The following MYORG variants were observed in gnomAD, a reference collection of about 807,000 sequenced individuals.
The protein encoded by MYORG is myogenesis regulating glycosidase.
A neutral mutation model predicts 49.8 loss-of-function variants in MYORG; 45 were observed. That is an observed-to-expected ratio of 0.90 (90% CI 0.71 to 1.16). The LOEUF (loss-of-function observed/expected upper bound fraction) is 1.16. Among genes scored for constraint, MYORG ranks in the 50% most tolerant of loss-of-function variants. The probability of loss-of-function intolerance (pLI) is 0.00; values close to 1 mark genes in which losing one functional copy is unlikely to be tolerated. For missense variants in MYORG, 1,110 were observed against 1,026.5 expected (o/e 1.08, Z -1.11); for synonymous variants, 552 against 462.9 (o/e 1.19, Z -2.47).
rs769425565 is a variant in MYORG at position 34,372,796 on chromosome 9, G to C, written c.148C>G (p.Pro50Ala). 6.2e-7 allele frequency: 1 copy of C among 1,614,032 alleles called. No individual in the cohort carries two copies. Among genetic ancestry groups the C allele is most frequent in the South Asian group, 1.1e-5 (1 of 91,088 alleles). ...AGCAGCGGCTTCAGGTCTTTGGAAG[G>C]CTTGGGCTTGGCAGGTGAGAAGTTG... Reference protein sequence around the residue: ...PDNFSPAKPKPSKDLKPLLGS... With the variant: ...PDNFSPAKPKASKDLKPLLGS... Residue 50 changes from proline (P) to alanine (A), a missense_variant, in exon 2 of 2, where the codon CCT becomes GCT. By Grantham distance (27) the Pro-to-Ala change is conservative. Coordinates refer to ENST00000297625, the MANE Select transcript of MYORG (RefSeq NM_020702.5).
rs1820710935 is a variant in MYORG, at chr9:34,376,009, C to T, written c.-64+784G>A. 6.6e-6 allele frequency among the ~76,000 whole-genome samples: 1 copy of T among 152,224 alleles called. No individual in the cohort carries two copies. Among genetic ancestry groups the T allele is most frequent in the African/African-American group, 2.4e-5 (1 of 41,452 alleles). On this transcript the variant is annotated intron_variant, in intron 1 of 1. Coordinates refer to ENST00000297625, the MANE Select transcript of MYORG (RefSeq NM_020702.5). This position sits in a 1 kb window ranked among gnomAD's most constrained non-coding sequence, Gnocchi z 4.4. ...GCTGCCTGGATCTAAAATCCCAGCCCAGCTCTCCACAGTGTAAGTTTTAGG... is the reference window on the plus strand; with the variant it reads ...GCTGCCTGGATCTAAAATCCCAGCCTAGCTCTCCACAGTGTAAGTTTTAGG...
rs1042407185 is a variant in MYORG at position 34,366,682 on chromosome 9, A to G, written c.*4117T>C. 2.6e-5 allele frequency: 4 copies of G among 152,204 alleles called. No homozygotes were observed. The highest frequency in any genetic ancestry group is 4.8e-5 in the African/African-American group (2 of 41,448). 9.4% of individuals were successfully genotyped at this position (152,204 alleles called of 1,614,324 possible). ...AACAAGAAATAGTATTATAATAGCT[A>G]CCATTTATTGAGCACCTACTTTGTG... On this transcript the variant is annotated 3_prime_UTR_variant, in exon 2 of 2. Coordinates refer to ENST00000297625, the MANE Select transcript of MYORG (RefSeq NM_020702.5).
In MYORG at chr9:34,370,935, T is replaced by G; in HGVS notation, c.2009A>C (p.Lys670Thr). 6.2e-7 allele frequency: 1 copy of G among 1,613,456 alleles called. No individual in the cohort carries two copies. Among genetic ancestry groups the G allele is most frequent in the Non-Finnish European group, 8.5e-7 (1 of 1,179,762 alleles). Residue 670 changes from lysine (K) to threonine (T), a missense_variant, in exon 2 of 2, where the codon AAG becomes ACG. Lys to Thr is a moderately conservative substitution (Grantham distance 78). Coordinates refer to ENST00000297625, the MANE Select transcript of MYORG (RefSeq NM_020702.5). ...LLVAPVLEPG[K>T]QERDVYLPAG... ...GGGCAAATAGACGTCGCGCTCCTGC[T>G]TGCCTGGCTCCAGCACCGGGGCCAC... is the stretch of plus-strand genomic sequence containing the variant.
Position 34,371,586 on chromosome 9 carries a change from G to C in MYORG, c.1358C>G (p.Ser453Cys), listed in dbSNP as rs958478319. The C allele has an allele frequency of 6.2e-7, 1 of 1,604,106 alleles. No individual in the cohort carries two copies. The highest frequency in any genetic ancestry group is 8.5e-7 in the Non-Finnish European group (1 of 1,178,596). ...WFQGHLRRLRSRYSVASFKFD... is the reference protein window; with the variant it reads ...WFQGHLRRLRCRYSVASFKFD... Reference sequence around the variant, plus strand: ...CTTGAAGGAAGCCACGGAGTAGCGAGAGCGCAGCCGCCGCAGGTGTCCCTG... The same window carrying C: ...CTTGAAGGAAGCCACGGAGTAGCGACAGCGCAGCCGCCGCAGGTGTCCCTG... The change falls in exon 2 of 2, where the codon TCT becomes TGT. Residue 453 changes from serine to cysteine, a missense_variant. Physicochemically the swap from Ser to Cys is moderately radical, Grantham distance 112 (BLOSUM62 -1). Coordinates refer to ENST00000297625, the MANE Select transcript of MYORG (RefSeq NM_020702.5).
At position 34,375,057 on chromosome 9, in the gene MYORG, G is replaced by A. The variant is rs374811682; in HGVS notation, c.-64+1736C>T. On this transcript the variant is annotated intron_variant, in intron 1 of 1. Transcript: ENST00000297625. ...ATAGCACCACCCAGGTGCACACACG[G>A]GCATACACACAGCCAGCCAGTTGGT... Among the ~76,000 whole-genome samples the A allele has an allele frequency of 4.1e-4, 63 of 152,222 alleles. No homozygotes were observed. The South Asian group carries it at 0.012, about 30-fold the overall frequency.
At position 34,372,376 on chromosome 9, in the gene MYORG, C is replaced by A; in HGVS notation, c.568G>T (p.Glu190Ter). ...DAAAHWYGGA[E>*]MRTQHWPIRL... ...ATGGGCCAGTGTTGCGTCCTCATCT[C>A]GGCGCCACCATACCAGTGGGCCGCC... Residue 190 changes from glutamate to a stop codon, truncating the protein, a stop_gained, in exon 2 of 2, where the codon GAG (glutamate) becomes TAG (stop). Transcript: ENST00000297625. LOFTEE classifies it high-confidence loss of function. 6.3e-7 allele frequency: 1 copy of A among 1,590,418 alleles called. No homozygotes were observed. The highest frequency in any genetic ancestry group is 8.5e-7 in the Non-Finnish European group (1 of 1,169,916).
rs1464654344 is a variant in MYORG at position 34,371,363 on chromosome 9, G to A, written c.1581C>T (p.Tyr527=). ...GGATGAGTGAGCGCAACCCCAGGTC[G>A]TAGCCCCACACAGAGTCGCGATCCA... is the stretch of plus-strand genomic sequence containing the variant. ...RLVDRDSVWG[Y]DLGLRSLIPA... The change falls in exon 2 of 2, where the codon TAC becomes TAT. Residue 527 remains tyrosine, a synonymous_variant. Transcript: ENST00000297625. 1 of 1,613,096 alleles carries A rather than the reference G, an allele frequency of 6.2e-7. No individual in the cohort carries two copies. Among genetic ancestry groups the A allele is most frequent in the Non-Finnish European group, 8.5e-7 (1 of 1,179,696 alleles).
Position 34,371,561 on chromosome 9 carries a change from C to G in MYORG, c.1383G>C (p.Lys461Asn), listed in dbSNP as rs765140376. 4 of 1,605,376 alleles carry G rather than the reference C, an allele frequency of 2.5e-6. No homozygotes were observed. In the East Asian group the frequency reaches 8.9e-5, roughly 36 times the overall value. The change falls in exon 2 of 2, where the codon AAG becomes AAC. Residue 461 changes from lysine to asparagine, a missense_variant. Transcript: ENST00000297625. ...LRSRYSVASF[K>N]FDAGEVSYLP... ...GGTAGCTGACCTCGCCCGCGTCGAA[C>G]TTGAAGGAAGCCACGGAGTAGCGAG...
chr9:34,371,901 C>T lies in MYORG; in HGVS notation c.1043G>A (p.Ser348Asn). 1.2e-6 allele frequency: 2 copies of T among 1,614,060 alleles called. No individual in the cohort carries two copies. The highest frequency in any genetic ancestry group is 1.1e-5 in the South Asian group (1 of 91,092). The stretch of plus-strand genomic sequence containing the variant: ...GTACATGTCGTCGATTTCCAGGTGG[C>T]TGCTGTTGAAGTGGTGCAGGCGGAT... ...QQIRLHHFNS[S>N]HLEIDDMYTP... The change falls in exon 2 of 2, where the codon AGC becomes AAC. Residue 348 changes from serine to asparagine, a missense_variant. Coordinates refer to ENST00000297625, the MANE Select transcript of MYORG (RefSeq NM_020702.5).
Position 34,372,744 on chromosome 9 carries a change from A to AGCAGCAGCCCCAGAACCGCGGAGC in MYORG, c.176_199dup (p.Leu66_Leu67insArgSerAlaValLeuGlyLeuLeu). On this transcript the variant is annotated inframe_insertion, in exon 2 of 2. Transcript: ENST00000297625. The stretch of plus-strand genomic sequence containing the variant: ...CCAGGCCACCACCGCGGCCAGCACA[A>AGCAGCAGCCCCAGAACCGCGGAGC]GCAGCAGCCCCAGAACCGCGGAGCC... 1.9e-6 allele frequency: 3 copies of AGCAGCAGCCCCAGAACCGCGGAGC among 1,613,744 alleles called. No homozygotes were observed. The African/African-American group carries it at 4.0e-5, about 21-fold the overall frequency.
Position 34,372,125 on chromosome 9 carries a change from G to A in MYORG, c.819C>T (p.Arg273=). ...HDTPYKPPAG[R]AAAPELSYRV... ...GGTAGCTCAGCTCTGGCGCTGCGGC[G>A]CGGCCGGCGGGTGGCTTGTAGGGCG... The change falls in exon 2 of 2, where the codon CGC becomes CGT. Residue 273 remains arginine (R), a synonymous_variant. Transcript: ENST00000297625. 4 of 1,612,384 alleles carry A rather than the reference G, an allele frequency of 2.5e-6. No homozygotes were observed. The highest frequency in any genetic ancestry group is 3.4e-6 in the Non-Finnish European group (4 of 1,179,772).
In MYORG at chr9:34,370,819, A is replaced by G; in HGVS notation, c.2125T>C (p.Tyr709His). ...DYPVDLDEIA[Y>H]FTWAS ...CTGGGTCAGGACGCCCAGGTAAAGT[A>G]GGCGATCTCATCCAGGTCGACCGGG... Residue 709 changes from tyrosine to histidine, a missense_variant, in exon 2 of 2, where the codon TAC becomes CAC. Physicochemically the swap from Tyr to His is moderately conservative, Grantham distance 83 (BLOSUM62 2). Transcript: ENST00000297625. 1 of 1,584,746 alleles carries G rather than the reference A, an allele frequency of 6.3e-7. No homozygotes were observed. The highest frequency in any genetic ancestry group is 8.6e-7 in the Non-Finnish European group (1 of 1,159,524).
chr9:34,372,222 T>G lies in MYORG; in HGVS notation c.722A>C (p.Asp241Ala), dbSNP rs765772622. The G allele has an allele frequency of 2.5e-6, 4 of 1,611,784 alleles. No homozygotes were observed. Among genetic ancestry groups the G allele is most frequent in the Non-Finnish European group, 3.4e-6 (4 of 1,179,266 alleles). Residue 241 changes from aspartate (D) to alanine (A), a missense_variant, in exon 2 of 2, where the codon GAC (aspartate) becomes GCC (alanine). By Grantham distance (126) the Asp-to-Ala change is moderately radical. Coordinates refer to ENST00000297625, the MANE Select transcript of MYORG (RefSeq NM_020702.5). ...SSRAAAIKVN[D>A]SVPFHLGWNS... ...CCAGCCCAGGTGGAAGGGCACTGAG[T>G]CATTGACTTTGATGGCGGCCGCGCG...
Position 34,372,752 on chromosome 9 carries a change from C to T in MYORG, c.192G>A (p.Gly64=), listed in dbSNP as rs377177253. 14 of 1,613,668 alleles carry T rather than the reference C, an allele frequency of 8.7e-6. No homozygotes were observed. The highest frequency in any genetic ancestry group is 1.1e-5 in the Non-Finnish European group (13 of 1,179,794). The stretch of plus-strand genomic sequence containing the variant: ...CCACCGCGGCCAGCACAAGCAGCAG[C>T]CCCAGAACCGCGGAGCCCAGCAGCG... ...LKPLLGSAVL[G]LLLVLAAVVA... is the part of the protein sequence containing the mutation. Residue 64 remains glycine, a synonymous_variant, in exon 2 of 2, where the codon GGG becomes GGA. Coordinates refer to ENST00000297625, the MANE Select transcript of MYORG (RefSeq NM_020702.5).
Position 34,371,044 on chromosome 9 carries a change from C to T in MYORG, c.1900G>A (p.Val634Met). 1 of 1,612,874 alleles carries T rather than the reference C, an allele frequency of 6.2e-7. No individual in the cohort carries two copies. Among genetic ancestry groups the T allele is most frequent in the Non-Finnish European group, 8.5e-7 (1 of 1,179,832 alleles). Residue 634 changes from valine (V) to methionine (M), a missense_variant, in exon 2 of 2, where the codon GTG (valine) becomes ATG (methionine). Physicochemically the swap from Val to Met is conservative, Grantham distance 21. Transcript: ENST00000297625. ...GGCGCAATCCACCAAAGGGGGCGCA[C>T]GATAGGGTCACCCGTGTCGGTGACC... Reference protein sequence around the residue: ...GEVTDTGDPIVRPLWWIAPGD... With the variant: ...GEVTDTGDPIMRPLWWIAPGD...
chr9:34,371,197 A>C lies in MYORG; in HGVS notation c.1747T>G (p.Phe583Val). 6.2e-7 allele frequency: 1 copy of C among 1,610,372 alleles called. No individual in the cohort carries two copies. The highest frequency in any genetic ancestry group is 8.5e-7 in the Non-Finnish European group (1 of 1,178,264). Residue 583 changes from phenylalanine to valine, a missense_variant, in exon 2 of 2, where the codon TTT (phenylalanine) becomes GTT (valine). Coordinates refer to ENST00000297625, the MANE Select transcript of MYORG (RefSeq NM_020702.5). ...LYIRWLEVAA[F>V]MPAMQFSIPP... is the part of the protein sequence containing the mutation. ...ATAGAGAACTGCATGGCCGGCATAAAGGCGGCCACTTCCAGCCAGCGAATG... is the reference window on the plus strand; with the variant it reads ...ATAGAGAACTGCATGGCCGGCATAACGGCGGCCACTTCCAGCCAGCGAATG...
rs987108856 is a variant in MYORG at position 34,366,821 on chromosome 9, T to C, written c.*3978A>G. 8.5e-5 allele frequency: 13 copies of C among 152,296 alleles called. No individual in the cohort carries two copies. Among genetic ancestry groups the C allele is most frequent in the African/African-American group, 2.9e-4 (12 of 41,564 alleles). 9.4% of individuals were successfully genotyped at this position (152,296 alleles called of 1,614,324 possible). A position where few individuals can be genotyped will look rare whatever the true frequency, so the allele number is the denominator to read the frequency against. The stretch of plus-strand genomic sequence containing the variant: ...CAGAGGCTTAGCAAGGTTAAGCGGC[T>C]TGTTCAAGGTCACAGAGCTGGTAGA... On this transcript the variant is annotated 3_prime_UTR_variant, in exon 2 of 2. Transcript: ENST00000297625.
rs1043405651 is a variant in MYORG, at chr9:34,371,118, G to C, written c.1826C>G (p.Ala609Gly). The C allele has an allele frequency of 6.2e-7, 1 of 1,607,906 alleles. No homozygotes were observed. The highest frequency in any genetic ancestry group is 8.5e-7 in the Non-Finnish European group (1 of 1,175,978). ...CGGTGCCACAAGCGAGGCCCGCAGG[G>C]CGGCGAACTTCTGCGCGATGGCCAC... is the stretch of plus-strand genomic sequence containing the variant. ...EVVAIAQKFAALRASLVAPLL... is the reference protein window; with the variant it reads ...EVVAIAQKFAGLRASLVAPLL... The change falls in exon 2 of 2, where the codon GCC becomes GGC. Residue 609 changes from alanine to glycine, a missense_variant. By Grantham distance (60) the Ala-to-Gly change is moderately conservative. Coordinates refer to ENST00000297625, the MANE Select transcript of MYORG (RefSeq NM_020702.5).
At position 34,372,750 on chromosome 9, in the gene MYORG, AG is replaced by A. The variant is rs764531821; in HGVS notation, c.193del (p.Leu65CysfsTer31). ...KPLLGSAVLG[L>X]LLVLAAVVAW... Reference sequence around the variant, plus strand: ...CACCACCGCGGCCAGCACAAGCAGCAGCCCCAGAACCGCGGAGCCCAGCAGC... The same window carrying A: ...CACCACCGCGGCCAGCACAAGCAGCACCCCAGAACCGCGGAGCCCAGCAGC... On this transcript the variant is annotated frameshift_variant, in exon 2 of 2. Coordinates refer to ENST00000297625, the MANE Select transcript of MYORG (RefSeq NM_020702.5). LOFTEE classifies it high-confidence loss of function. 1 of 1,613,854 alleles carries A rather than the reference AG, an allele frequency of 6.2e-7. No homozygotes were observed.
Sources: allele counts gnomAD v4.1 joint callset (sites outside exome capture counted in the v4.1 genomes callset), GRCh38; gene constraint gnomAD v4.1.1; non-coding constraint Gnocchi (gnomAD v3.1); transcripts MANE v1.5; gene names NCBI Gene and HGNC (gene_info 2026-07-23, HGNC 2026-07-21).